The following FAM20B variants were observed in gnomAD, a reference collection of about 807,000 sequenced individuals.
The protein encoded by FAM20B is glycosaminoglycan xylosylkinase.
In FAM20B, 23 loss-of-function variants were observed where a neutral mutation model predicts 43.8. The observed-to-expected ratio is 0.53, with a 90% confidence interval of 0.38 to 0.74. The LOEUF (loss-of-function observed/expected upper bound fraction) is 0.74, where lower values mean the gene tolerates loss of function less well. Among genes scored for constraint, FAM20B ranks in the 30% least tolerant of loss-of-function variants. The pLI, the probability that FAM20B is intolerant of heterozygous loss-of-function variation, is 0.00. For synonymous variants in FAM20B, 178 were observed against 192.4 expected (o/e 0.93, Z 0.62); for missense variants, 440 against 510.5 (o/e 0.86, Z 1.33).
chr1:179,024,218 G>C (rs1323272293), upstream of FAM20B, among the ~76,000 whole-genome samples: 1 of 152,168 alleles, frequency 6.6e-6, no homozygotes. Flanking sequence ...TGCTTGGAGA[G>C]GCAATGACTG....
Position 179,064,021 on chromosome 1 carries a change from T to G in FAM20B, c.669T>G (p.Leu223=). Residue 223 remains leucine, a synonymous_variant, in exon 5 of 8, where the codon CTT becomes CTG. Transcript: ENST00000263733. ...DGDIMEGSVT[L]WLPDVWPLQK... ...ACATAATGGAGGGATCTGTCACACT[T>G]TGGCTTCCAGATGTGTGGCCTCTGC... is the stretch of plus-strand genomic sequence containing the variant. 6.2e-7 allele frequency: 1 copy of G among 1,614,050 alleles called. No individual in the cohort carries two copies. The highest frequency in any genetic ancestry group is 8.5e-7 in the Non-Finnish European group (1 of 1,179,926).
Position 179,073,307 on chromosome 1 carries a change from TC to T in FAM20B, c.*1164del, listed in dbSNP as rs1652004918. 2.6e-5 allele frequency: 4 copies of T among 152,184 alleles called. No homozygotes were observed. The highest frequency in any genetic ancestry group is 5.9e-5 in the Non-Finnish European group (4 of 68,074). The allele number at this position is 152,184 out of a possible 1,614,324, so 9.4% of individuals were successfully genotyped here. On this transcript the variant is annotated 3_prime_UTR_variant, in exon 8 of 8. Coordinates refer to ENST00000263733, the MANE Select transcript of FAM20B (RefSeq NM_014864.4). Reference sequence around the variant, plus strand: ...TGGAAACAAAGATTTTAAGCCTTCTTCTTTTTTTCTTTTTTCTTTTTTTTTT... The same window carrying T: ...TGGAAACAAAGATTTTAAGCCTTCTTTTTTTTTCTTTTTTCTTTTTTTTTT...
chr1:179,033,192 G>C lies in FAM20B; in HGVS notation c.-134+7094G>C, dbSNP rs181865231. Among the ~76,000 whole-genome samples, 316 of 152,226 alleles carry C rather than the reference G, an allele frequency of 2.1e-3. 2 individuals are homozygous for C. Among genetic ancestry groups the C allele is most frequent in the African/African-American group, 6.9e-3 (285 of 41,548 alleles). On this transcript the variant is annotated intron_variant, in intron 1 of 7. Coordinates refer to ENST00000263733, the MANE Select transcript of FAM20B (RefSeq NM_014864.4). Reference sequence around the variant, plus strand: ...GTACAAAAGTTAGGCTTTATAAACCGGACATGTGTCAGTGTGTGAATGTGT... The same window carrying C: ...GTACAAAAGTTAGGCTTTATAAACCCGACATGTGTCAGTGTGTGAATGTGT...
intron 7 of FAM20B, among the ~76,000 whole-genome samples, chr1:179,067,255 G>T (rs1318306802): frequency 6.6e-6 from 1 of 151,892 alleles, no homozygotes; most frequent in African/African-American, 2.4e-5. Context: ...ACCACCTGGG[G>T]TTTACATATT....
intron 6 of FAM20B, among the ~76,000 whole-genome samples, chr1:179,064,766 T>C (rs972205719): frequency 1.3e-5 from 2 of 152,226 alleles, no homozygotes; most frequent in Non-Finnish European, 2.9e-5. Flanking sequence ...ATTCATTTGT[T>C]ACTACCTACA....
upstream of FAM20B, among the ~76,000 whole-genome samples, chr1:179,024,272 T>A (rs1026237553): frequency 6.6e-6 from 1 of 152,158 alleles, no homozygotes; most frequent in African/African-American, 2.4e-5. Context: ...GAAGGGATCA[T>A]CCGCCCAGGA....
At chr1:179,028,419 TAA>T (rs1334383257) in intron 1 of FAM20B, among the ~76,000 whole-genome samples, 4 of 152,124 alleles carry the variant, frequency 2.6e-5, no homozygotes, top group African/African-American at 9.7e-5. Context: ...CCGTCTCTAC[TAA>T]AAATACAAAA....
At position 179,066,809 on chromosome 1, in the gene FAM20B, C is replaced by T; in HGVS notation, c.948C>T (p.Asn316=). 1 of 1,611,638 alleles carries T rather than the reference C, an allele frequency of 6.2e-7. No individual in the cohort carries two copies. Among genetic ancestry groups the T allele is most frequent in the Non-Finnish European group, 8.5e-7 (1 of 1,177,704 alleles). ...ILLDNAKSFG[N]PSLDERSILA... is the part of the protein sequence containing the mutation. ...TTAATTTAATTTTCAGCTTTGGGAA[C>T]CCCTCGCTGGATGAAAGAAGCATTC... Residue 316 remains asparagine (N), a synonymous_variant, in exon 7 of 8, where the codon AAC becomes AAT. Transcript: ENST00000263733.
rs1212951726 is a variant in FAM20B at position 179,040,659 on chromosome 1, G to A, written c.-133-3056G>A. ...TCCCGGACGGGGCGGCTGGCCGGGC[G>A]CTGATCCCCCCACCTCCCTCCCGGA... On this transcript the variant is annotated intron_variant, in intron 1 of 7. Coordinates refer to ENST00000263733, the MANE Select transcript of FAM20B (RefSeq NM_014864.4). Among the ~76,000 whole-genome samples, 2 of 138,840 alleles carry A rather than the reference G, an allele frequency of 1.4e-5. 1 individual carries two copies. The highest frequency in any genetic ancestry group is 5.9e-5 in the African/African-American group (2 of 33,906). The allele number at this position is 138,840 out of a possible 152,430, so 91.1% of individuals were successfully genotyped here.
chr1:179,067,023 G>T (rs1651719145), intron 7 of FAM20B, among the ~76,000 whole-genome samples, 164 bp downstream of exon 7: 1 of 152,074 alleles, frequency 6.6e-6, no homozygotes, highest in African/African-American at 2.4e-5. Context: ...GGATATCAGG[G>T]AAAGGTGAAG....
At chr1:179,070,682 G>A (rs1263490191) in intron 7 of FAM20B, among the ~76,000 whole-genome samples, 1 of 151,536 alleles carries the variant, frequency 6.6e-6, no homozygotes, top group Non-Finnish European at 1.5e-5. Flanking sequence ...CTGCCACCAC[G>A]CCCAGCTAAT....
intron 4 of FAM20B, among the ~76,000 whole-genome samples, chr1:179,061,960 T>C (rs10913687): frequency 0.069 from 10,542 of 152,148 alleles, 1,026 homozygotes; most frequent in African/African-American, 0.22. Flanking sequence ...CCAAGCACTT[T>C]CTTGCAACTG....
At chr1:179,052,703 T>G (rs1651055626) in intron 3 of FAM20B, among the ~76,000 whole-genome samples, 1 of 152,228 alleles carries the variant, frequency 6.6e-6, no homozygotes, top group Non-Finnish European at 1.5e-5. Context: ...TAGATATGTG[T>G]GTACAATACC....
Position 179,066,824 on chromosome 1 carries a change from A to G in FAM20B, c.963A>G (p.Glu321=). ...AKSFGNPSLD[E]RSILAPLYQC... is the part of the protein sequence containing the mutation. ...GCTTTGGGAACCCCTCGCTGGATGA[A>G]AGAAGCATTCTTGCCCCTCTCTATC... is the stretch of plus-strand genomic sequence containing the variant. Residue 321 remains glutamate (E), a synonymous_variant, in exon 7 of 8, where the codon GAA becomes GAG. Transcript: ENST00000263733. 6.2e-7 allele frequency: 1 copy of G among 1,613,198 alleles called. No homozygotes were observed. Among genetic ancestry groups the G allele is most frequent in the South Asian group, 1.1e-5 (1 of 91,068 alleles).
chr1:179,049,177 C>T lies in FAM20B; in HGVS notation c.378-1102C>T, dbSNP rs186768660. Among the ~76,000 whole-genome samples the T allele has an allele frequency of 6.1e-4, 93 of 152,292 alleles. 1 individual carries two copies. The highest frequency in any genetic ancestry group is 1.0e-3 in the Non-Finnish European group (70 of 68,022). On this transcript the variant is annotated intron_variant, in intron 2 of 7. Transcript: ENST00000263733. ...ATATGCCAGTCTTCATTATCCTTTG[C>T]TTATGTCATACATGTGATAGAAAAT...
intron 3 of FAM20B, among the ~76,000 whole-genome samples, chr1:179,053,417 C>T (rs1651091106): frequency 6.6e-6 from 1 of 151,562 alleles, no homozygotes; most frequent in African/African-American, 2.4e-5. Context: ...GCCTGATCAA[C>T]AGAGTGAGAC....
chr1:179,063,924 T>C lies in FAM20B; in HGVS notation c.575-3T>C, dbSNP rs1454305313. ...GTGTATTTGGCTCCTTTCTGTCCTT[T>C]AGGAAACAATACTTGTTTTTATGGG... On this transcript the variant is annotated splice_polypyrimidine_tract_variant and splice_region_variant and intron_variant, in intron 4 of 7. Coordinates refer to ENST00000263733, the MANE Select transcript of FAM20B (RefSeq NM_014864.4). 5.1e-5 allele frequency: 82 copies of C among 1,600,020 alleles called. No individual in the cohort carries two copies. Among genetic ancestry groups the C allele is most frequent in the Non-Finnish European group, 6.9e-5 (81 of 1,171,562 alleles).
chr1:179,057,037 A>G (rs949638484), intron 4 of FAM20B, among the ~76,000 whole-genome samples: 1 of 152,044 alleles, frequency 6.6e-6, no homozygotes, highest in Non-Finnish European at 1.5e-5. Context: ...CCTTTGTTAG[A>G]TGTGTCTTTT....
upstream of FAM20B, among the ~76,000 whole-genome samples, chr1:179,025,599 G>A (rs1649722860): frequency 1.3e-5 from 2 of 152,166 alleles, no homozygotes; most frequent in Admixed American, 6.5e-5. Context: ...ACGGGGTGGG[G>A]GATGGAGGAC....
Sources: allele counts gnomAD v4.1 joint callset (sites outside exome capture counted in the v4.1 genomes callset), GRCh38; gene constraint gnomAD v4.1.1; transcripts MANE v1.5; gene names NCBI Gene and HGNC (gene_info 2026-07-23, HGNC 2026-07-21).